Variants in GAP43 observed in about 807,000 individuals in gnomAD.
GAP43 encodes the protein neuromodulin.
GAP43 carries 6 observed loss-of-function variants against 18.6 expected under a neutral mutation model. That is an observed-to-expected ratio of 0.32 (90% CI 0.18 to 0.64). The LOEUF (loss-of-function observed/expected upper bound fraction) is 0.64, where lower values mean the gene tolerates loss of function less well. Ranked by LOEUF, GAP43 falls within the 30% of genes least tolerant of loss-of-function variation. The pLI is 0.78. For missense variants in GAP43, 292 were observed against 295.5 expected (o/e 0.99, Z 0.09); for synonymous variants, 115 against 111.4 (o/e 1.03, Z -0.20).
At chr3:115,708,370 C>T (rs1709390500) in intron 2 of GAP43, among the ~76,000 whole-genome samples, 1 of 152,138 alleles carries the variant, frequency 6.6e-6, no homozygotes, top group African/African-American at 2.4e-5. Context: ...TTTACTACAT[C>T]CTTCACTGAT....
chr3:115,638,183 C>T (rs911107583), intron 1 of GAP43, among the ~76,000 whole-genome samples: 4 of 151,976 alleles, frequency 2.6e-5, no homozygotes, highest in African/African-American at 7.2e-5. Flanking sequence ...TTTTGAAAAG[C>T]GTCTATAAGA....
chr3:115,712,166 T>C (rs973896296), intron 2 of GAP43, among the ~76,000 whole-genome samples: 15 of 152,176 alleles, frequency 9.9e-5, no homozygotes, highest in South Asian at 2.1e-4. Context: ...TTTTCTCCAT[T>C]CAGAAAAAAA....
At chr3:115,684,914 A>T (rs529354509) in intron 2 of GAP43, among the ~76,000 whole-genome samples, 9 of 152,266 alleles carry the variant, frequency 5.9e-5, no homozygotes, top group African/African-American at 1.7e-4. Context: ...TTGAGACACC[A>T]CCTTTCATTC....
At chr3:115,651,452 C>T (rs1428248052) in intron 1 of GAP43, among the ~76,000 whole-genome samples, 1 of 152,140 alleles carries the variant, frequency 6.6e-6, no homozygotes, top group African/African-American at 2.4e-5. Flanking sequence ...AATTTTACTA[C>T]CAGTTATCTA....
chr3:115,624,207 T>C (rs1708154027), intron 1 of GAP43, among the ~76,000 whole-genome samples: 1 of 152,158 alleles, frequency 6.6e-6, no homozygotes, highest in Non-Finnish European at 1.5e-5. Flanking sequence ...ATGCATGAGC[T>C]TCGAAGGGGC....
intron 1 of GAP43, among the ~76,000 whole-genome samples, chr3:115,656,101 G>C (rs1031019930): frequency 5.3e-5 from 8 of 152,114 alleles, no homozygotes; most frequent in Admixed American, 5.2e-4. Context: ...GCTCTATCTG[G>C]GGCTCTACTG....
intron 2 of GAP43, among the ~76,000 whole-genome samples, chr3:115,707,145 C>G (rs1183420540): frequency 6.6e-6 from 1 of 152,146 alleles, no homozygotes; most frequent in Non-Finnish European, 1.5e-5. Context: ...TTAAATATGT[C>G]ATTTATTGAT....
chr3:115,708,320 G>T (rs970751037), intron 2 of GAP43, among the ~76,000 whole-genome samples: 1 of 152,170 alleles, frequency 6.6e-6, no homozygotes, highest in Non-Finnish European at 1.5e-5. Flanking sequence ...TGGGTCATAG[G>T]AATTATAAGC....
In GAP43 at chr3:115,676,315, G is replaced by A. The variant is rs267599555; in HGVS notation, c.333G>A (p.Glu111=). The A allele has an allele frequency of 1.2e-6, 2 of 1,614,148 alleles. No individual in the cohort carries two copies. The highest frequency in any genetic ancestry group is 4.5e-5 in the East Asian group (2 of 44,868). Residue 111 remains glutamate (E), a synonymous_variant, in exon 2 of 3, where the codon GAG becomes GAA. Transcript: ENST00000305124. ...PGKAGETPSE[E]KKGEGDAATE... ...AAGCAGGAGAAACTCCTTCCGAGGA[G>A]AAGAAGGGGGAGGGTGATGCTGCCA... is the stretch of plus-strand genomic sequence containing the variant.
intron 1 of GAP43, among the ~76,000 whole-genome samples, chr3:115,624,328 A>G (rs953098016): frequency 6.6e-6 from 1 of 151,830 alleles, no homozygotes; most frequent in Non-Finnish European, 1.5e-5. Flanking sequence ...AGAAGCTAAG[A>G]CAACTGGGGC....
At chr3:115,645,611 G>GA (rs10716878) in intron 1 of GAP43, among the ~76,000 whole-genome samples, 14 of 151,230 alleles carry the variant, frequency 9.3e-5, no homozygotes, top group African/African-American at 1.7e-4. Context: ...TATCTTGGTG[G>GA]AAAAAAAACC....
chr3:115,640,213 A>C (rs1321157326), intron 1 of GAP43, among the ~76,000 whole-genome samples: 1 of 152,120 alleles, frequency 6.6e-6, no homozygotes, highest in Non-Finnish European at 1.5e-5. Context: ...AAGATGAAGT[A>C]CACTTTAGCT....
intron 2 of GAP43, among the ~76,000 whole-genome samples, chr3:115,685,929 A>T (rs2107354729): frequency 6.6e-6 from 1 of 152,324 alleles, no homozygotes; most frequent in African/African-American, 2.4e-5. Flanking sequence ...ACCAAGGTGT[A>T]AACCATTCAT....
intron 1 of GAP43, among the ~76,000 whole-genome samples, chr3:115,656,894 C>T (rs1004412264): frequency 3.9e-5 from 6 of 152,066 alleles, no homozygotes; most frequent in Admixed American, 1.3e-4. Context: ...TACTGGGCTT[C>T]GGAGTGTAAT....
At chr3:115,719,874 A>G (rs903225794) in intron 2 of GAP43, among the ~76,000 whole-genome samples, 1 of 152,172 alleles carries the variant, frequency 6.6e-6, no homozygotes, top group East Asian at 1.9e-4. Flanking sequence ...CTTTTTCCAC[A>G]AGCTAGCATA....
intron 2 of GAP43, among the ~76,000 whole-genome samples, chr3:115,693,616 G>A (rs1000176266): frequency 9.2e-5 from 14 of 152,082 alleles, no homozygotes; most frequent in Non-Finnish European, 1.6e-4. Flanking sequence ...GTCTACTCTG[G>A]TGTGCCTTTG....
chr3:115,656,071 G>T (rs903967483), intron 1 of GAP43, among the ~76,000 whole-genome samples: 1 of 152,118 alleles, frequency 6.6e-6, no homozygotes, highest in Admixed American at 6.6e-5. Flanking sequence ...AAAAACACAG[G>T]GGGTGATGAG....
chr3:115,664,199 T>C (rs1708702560), intron 1 of GAP43, among the ~76,000 whole-genome samples: 1 of 128,288 alleles, frequency 7.8e-6, no homozygotes, highest in Non-Finnish European at 1.8e-5. Flanking sequence ...AATTTGCTAT[T>C]ATTATGTTCT....
chr3:115,696,377 C>T (rs530564780), intron 2 of GAP43, among the ~76,000 whole-genome samples: 3 of 152,072 alleles, frequency 2.0e-5, no homozygotes, highest in African/African-American at 7.2e-5. Flanking sequence ...ATTGGCTCCA[C>T]CTTCAACATA....
Sources: allele counts gnomAD v4.1 joint callset (sites outside exome capture counted in the v4.1 genomes callset), GRCh38; gene constraint gnomAD v4.1.1; transcripts MANE v1.5; gene names NCBI Gene and HGNC (gene_info 2026-07-23, HGNC 2026-07-21).